THEMIS: variants seen among roughly 807,000 people sequenced by gnomAD.
The protein encoded by THEMIS is protein THEMIS.
In THEMIS, 37 loss-of-function variants were observed where a neutral mutation model predicts 52.6. The observed-to-expected ratio is 0.70, with a 90% CI of 0.54 to 0.93. The LOEUF is 0.93. Among genes scored for constraint, THEMIS ranks in the 40% least tolerant of loss-of-function variants. THEMIS has a pLI of 0.00. For missense variants in THEMIS, 808 were observed against 763.1 expected (o/e 1.06, Z -0.69); for synonymous variants, 292 against 272.7 (o/e 1.07, Z -0.70).
intron 4 of THEMIS, 30 bp from the exon 5 acceptor site, chr6:127,719,853 T>A (rs746389141): frequency 6.2e-7 from 1 of 1,607,840 alleles, no homozygotes. Flanking sequence ...AAGTAAATTA[T>A]CAGTCCAAAA....
chr6:127,864,768 T>A (rs1036328707), intron 1 of THEMIS, among the ~76,000 whole-genome samples: 1 of 152,262 alleles, frequency 6.6e-6, no homozygotes, highest in South Asian at 2.1e-4. Context: ...CAAAATTATG[T>A]TTATCCATAT....
chr6:127,791,974 C>T (rs1217236597), intron 4 of THEMIS, among the ~76,000 whole-genome samples: 1 of 152,146 alleles, frequency 6.6e-6, no homozygotes, highest in Non-Finnish European at 1.5e-5. Context: ...TTTCCTGGGG[C>T]CCTGAGAGTG....
intron 2 of THEMIS, among the ~76,000 whole-genome samples, chr6:127,840,012 T>C (rs1778994518): frequency 6.6e-6 from 1 of 152,082 alleles, no homozygotes; most frequent in Non-Finnish European, 1.5e-5. Flanking sequence ...ATTGTTATAA[T>C]GCTATTAACT....
At chr6:127,810,118 T>C (rs763993770) in intron 4 of THEMIS, among the ~76,000 whole-genome samples, 1 of 152,112 alleles carries the variant, frequency 6.6e-6, no homozygotes, top group Non-Finnish European at 1.5e-5. Flanking sequence ...CGTAATGTTG[T>C]TCTGTGAGTT....
At chr6:127,880,720 C>T (rs906852866) in intron 1 of THEMIS, among the ~76,000 whole-genome samples, 10 of 151,962 alleles carry the variant, frequency 6.6e-5, no homozygotes, top group African/African-American at 2.4e-4. Flanking sequence ...CTCTTGAGTC[C>T]TATCTATTTT....
intron 5 of THEMIS, among the ~76,000 whole-genome samples, chr6:127,715,170 G>A (rs535013892): frequency 6.6e-6 from 1 of 151,990 alleles, no homozygotes; most frequent in African/African-American, 2.4e-5. Context: ...TCTTTAGGGT[G>A]TCAGTATTTC....
intron 1 of THEMIS, among the ~76,000 whole-genome samples, chr6:127,906,474 A>G (rs1043114107): frequency 6.6e-6 from 1 of 152,000 alleles, no homozygotes; most frequent in Non-Finnish European, 1.5e-5. Flanking sequence ...TCACTCATCT[A>G]TATTACAAAC....
chr6:127,907,239 C>G (rs1219334712), intron 1 of THEMIS, among the ~76,000 whole-genome samples: 1 of 149,832 alleles, frequency 6.7e-6, no homozygotes, highest in African/African-American at 2.5e-5. Context: ...CAAAAGGTGC[C>G]ATTTATTGGT....
chr6:127,812,838 G>A (rs2114603913), intron 4 of THEMIS, 45 bp downstream of exon 4: 1 of 1,512,404 alleles, frequency 6.6e-7, no homozygotes, highest in Non-Finnish European at 8.9e-7. Context: ...CAAATTGCCT[G>A]AAGGAACACA....
intron 4 of THEMIS, among the ~76,000 whole-genome samples, chr6:127,735,015 A>G (rs1457725551): frequency 6.8e-6 from 1 of 147,166 alleles, no homozygotes; most frequent in Non-Finnish European, 1.5e-5. Context: ...GAATTAAGAT[A>G]TTGTTTCTTA....
At chr6:127,726,912 C>T (rs1264303629) in intron 4 of THEMIS, among the ~76,000 whole-genome samples, 2 of 152,170 alleles carry the variant, frequency 1.3e-5, no homozygotes, top group Non-Finnish European at 2.9e-5. Flanking sequence ...ACACTTCTTA[C>T]TTTAAAATGA....
intron 4 of THEMIS, among the ~76,000 whole-genome samples, chr6:127,796,906 ACT>A (rs1301050965): frequency 6.6e-6 from 1 of 152,188 alleles, no homozygotes; most frequent in Non-Finnish European, 1.5e-5. Flanking sequence ...GGTTATTCTA[ACT>A]CTGCATAAAA....
At chr6:127,750,290 T>C (rs1172108435) in intron 4 of THEMIS, among the ~76,000 whole-genome samples, 1 of 151,730 alleles carries the variant, frequency 6.6e-6, no homozygotes, top group East Asian at 1.9e-4. Flanking sequence ...AATGATATGG[T>C]TTGCATTTCA....
At chr6:127,830,443 T>C (rs999792336) in intron 2 of THEMIS, among the ~76,000 whole-genome samples, 3 of 152,114 alleles carry the variant, frequency 2.0e-5, no homozygotes, top group Non-Finnish European at 4.4e-5. Context: ...CCCAGAACTT[T>C]GGGAGGCTGA....
the THEMIS span, among the ~76,000 whole-genome samples, chr6:127,699,194 T>A: frequency 1.3e-5 from 2 of 151,934 alleles, 1 homozygote; most frequent in Admixed American, 1.3e-4. Context: ...GCCTATGTGA[T>A]CCACAAATTT....
intron 1 of THEMIS, among the ~76,000 whole-genome samples, chr6:127,892,101 G>A (rs149805): frequency 0.47 from 71,370 of 151,928 alleles, 17,612 homozygotes; most frequent in Non-Finnish European, 0.57. Flanking sequence ...GCCCCACTCT[G>A]TACCACATTC....
intron 4 of THEMIS, among the ~76,000 whole-genome samples, chr6:127,782,257 G>A (rs1776770856): frequency 6.6e-6 from 1 of 152,146 alleles, no homozygotes. Context: ...GATGCACTGA[G>A]CTAGACCACT....
chr6:127,891,848 T>C (rs1780822021), intron 1 of THEMIS, among the ~76,000 whole-genome samples: 1 of 152,122 alleles, frequency 6.6e-6, no homozygotes, highest in Non-Finnish European at 1.5e-5. Flanking sequence ...AAACCTCTTC[T>C]CATATGTTCT....
chr6:127,697,585 CT>C, the THEMIS span, among the ~76,000 whole-genome samples: 15 of 152,270 alleles, frequency 9.9e-5, no homozygotes, highest in African/African-American at 3.4e-4. Context: ...ACTTTTCTTA[CT>C]TTTTTCCCTA....
Sources: gnomAD v4.1 joint callset for allele counts (sites outside exome capture counted in the v4.1 genomes callset) on GRCh38, gnomAD v4.1.1 for gene constraint, MANE v1.5 for transcripts, NCBI Gene and HGNC (gene_info 2026-07-23, HGNC 2026-07-21) for gene names.